DMD: variants seen among roughly 807,000 people sequenced by gnomAD.
The protein encoded by DMD is mutant dystrophin.
A neutral mutation model predicts 330.1 loss-of-function variants in DMD; 63 were observed. The observed-to-expected ratio is 0.19, with a 90% CI of 0.16 to 0.24. DMD has a LOEUF of 0.24. Among genes scored for constraint, DMD ranks in the 10% least tolerant of loss-of-function variants. DMD has a pLI of 1.00. For synonymous variants in DMD, 1,223 were observed against 959.8 expected (o/e 1.27, Z -5.07); for missense variants, 3,344 against 2,684.1 (o/e 1.25, Z -5.43).
intron 44 of DMD, among the ~76,000 whole-genome samples, chrX:31,969,990 C>T (rs1164931150): frequency 1.8e-5 from 2 of 111,668 alleles, no homozygotes; most frequent in Non-Finnish European, 3.8e-5. Flanking sequence ...ACAGTCATTG[C>T]TTAGTAATAG....
At chrX:31,407,195 GTTC>G (rs772591278) in intron 60 of DMD, among the ~76,000 whole-genome samples, 106 of 111,455 alleles carry the variant, frequency 9.5e-4, no homozygotes, top group South Asian at 1.9e-3. Flanking sequence ...ACAGAGTTTC[GTTC>G]TTGTTGCCCA....
rs1279143530 is a variant in DMD, at chrX:32,343,262, T to C, written c.5611A>G (p.Lys1871Glu). 1 of 1,208,639 alleles carries C rather than the reference T, an allele frequency of 8.3e-7. No individual in the cohort carries two copies. The highest frequency in any genetic ancestry group is 2.2e-5 in the Admixed American group (1 of 45,914). The change falls in exon 40 of 79, where the codon AAG (lysine) becomes GAG (glutamate). Residue 1871 changes from lysine (K) to glutamate (E), a missense_variant. Transcript: ENST00000357033. ...CACTGATGAGAAATTTCTAGAGCCTTTTTTCTTCTTTGAGACCTCAAATCC... is the reference window on the plus strand; with the variant it reads ...CACTGATGAGAAATTTCTAGAGCCTCTTTTCTTCTTTGAGACCTCAAATCC... The part of the protein sequence containing the change: ...LKDLRSQRRK[K>E]ALEISHQWYQ...
chrX:31,152,955 T>G (rs896764653), intron 74 of DMD, among the ~76,000 whole-genome samples: 1 of 112,670 alleles, frequency 8.9e-6, no homozygotes, highest in Admixed American at 9.3e-5. Flanking sequence ...TGCATACATA[T>G]GCATGTGTAT....
intron 44 of DMD, among the ~76,000 whole-genome samples, chrX:32,182,742 A>C (rs2096931680): frequency 8.9e-6 from 1 of 111,967 alleles, no homozygotes; most frequent in Non-Finnish European, 1.9e-5. Flanking sequence ...CATTTTATTC[A>C]GTTTACTTTA....
intron 62 of DMD, among the ~76,000 whole-genome samples, chrX:31,301,988 G>A (rs142467751): frequency 0.014 from 1,595 of 111,533 alleles, 30 homozygotes; most frequent in African/African-American, 0.049. Context: ...GCCTCTGCCC[G>A]ACACTCAACC....
At chrX:32,359,259 G>C (rs1010958796) in intron 37 of DMD, among the ~76,000 whole-genome samples, 1 of 111,658 alleles carries the variant, frequency 9.0e-6, no homozygotes, top group African/African-American at 3.3e-5. Flanking sequence ...CAGGAGACAT[G>C]GGAGTACCCC....
chrX:31,989,700 T>A (rs1029669305), intron 44 of DMD, among the ~76,000 whole-genome samples: 1 of 111,811 alleles, frequency 8.9e-6, no homozygotes, highest in Non-Finnish European at 1.9e-5. Context: ...TGAACTTATA[T>A]ACAATGAAGA....
At chrX:31,500,149 T>G (rs867527934) in intron 56 of DMD, among the ~76,000 whole-genome samples, 2 of 111,555 alleles carry the variant, frequency 1.8e-5, no homozygotes, top group Non-Finnish European at 3.8e-5. Context: ...ACTGAAGAGG[T>G]GAAAGGCAGC....
At chrX:31,832,661 T>G (rs1030704759) in intron 49 of DMD, among the ~76,000 whole-genome samples, 3 of 112,407 alleles carry the variant, frequency 2.7e-5, no homozygotes, top group Non-Finnish European at 3.7e-5. Context: ...TCAAGAGCAG[T>G]AAGTAAAACA....
chrX:33,190,097 C>T (rs1190935246), intron 1 of DMD, among the ~76,000 whole-genome samples: 2 of 111,451 alleles, frequency 1.8e-5, no homozygotes, highest in Non-Finnish European at 3.8e-5. Flanking sequence ...TTGAAGGATA[C>T]TACTTCCTGT....
intron 44 of DMD, among the ~76,000 whole-genome samples, chrX:32,125,104 G>T (rs1251346453): frequency 9.0e-6 from 1 of 110,649 alleles, no homozygotes; most frequent in Non-Finnish European, 1.9e-5. Context: ...AAATTAATGT[G>T]AACCTTTTGA....
intron 43 of DMD, among the ~76,000 whole-genome samples, chrX:32,278,402 G>A (rs920611771): frequency 9.0e-6 from 1 of 111,172 alleles, no homozygotes; most frequent in Non-Finnish European, 1.9e-5. Flanking sequence ...CAAAATTGAT[G>A]CAAAAAATAT....
At chrX:33,035,751 C>A (rs1415952887) in intron 1 of DMD, among the ~76,000 whole-genome samples, 1 of 111,722 alleles carries the variant, frequency 9.0e-6, no homozygotes, top group East Asian at 2.8e-4. Flanking sequence ...TAAAAAACAT[C>A]ATGCCATACA....
intron 29 of DMD, among the ~76,000 whole-genome samples, chrX:32,437,744 T>G (rs981315868): frequency 3.7e-4 from 42 of 112,564 alleles, no homozygotes; most frequent in African/African-American, 1.4e-3. Flanking sequence ...TAGGAGAAAT[T>G]TGCTATTTTG....
chrX:32,488,616 G>A (rs2042702372), intron 20 of DMD, among the ~76,000 whole-genome samples: 1 of 111,591 alleles, frequency 9.0e-6, no homozygotes, highest in Non-Finnish European at 1.9e-5. Context: ...ACACCAATGG[G>A]TCTGAGAGAA....
At chrX:32,902,258 A>T (rs1214464305) in intron 2 of DMD, among the ~76,000 whole-genome samples, 1 of 108,874 alleles carries the variant, frequency 9.2e-6, no homozygotes, top group African/African-American at 3.4e-5. Flanking sequence ...ATGTCCTGTA[A>T]ATGTTCGAGT....
intron 47 of DMD, among the ~76,000 whole-genome samples, chrX:31,881,709 C>T: frequency 8.9e-6 from 1 of 112,201 alleles, no homozygotes; most frequent in Non-Finnish European, 1.9e-5. Flanking sequence ...ACATGCAGTA[C>T]AGGTTTGTAG....
intron 44 of DMD, among the ~76,000 whole-genome samples, chrX:31,995,066 A>G (rs1438112786): frequency 8.9e-6 from 1 of 112,186 alleles, no homozygotes; most frequent in Non-Finnish European, 1.9e-5. Context: ...ATCCTTCCTT[A>G]CGTGCTTATC....
intron 7 of DMD, among the ~76,000 whole-genome samples, chrX:32,776,012 C>A (rs1382545635): frequency 1.8e-5 from 2 of 111,826 alleles, no homozygotes; most frequent in African/African-American, 6.5e-5. Flanking sequence ...GAATGCCTTG[C>A]TGCTTACAGA....
Sources: gnomAD v4.1 joint callset for allele counts (sites outside exome capture counted in the v4.1 genomes callset) on GRCh38, gnomAD v4.1.1 for gene constraint, MANE v1.5 for transcripts, NCBI Gene and HGNC (gene_info 2026-07-23, HGNC 2026-07-21) for gene names.